The following LPIN3 variants were observed in gnomAD, a reference collection of about 807,000 sequenced individuals.
LPIN3 encodes the protein lipin 3.
In LPIN3, 82 loss-of-function variants were observed where a neutral mutation model predicts 94.7. The observed-to-expected ratio is 0.87, with a 90% CI of 0.72 to 1.04. LPIN3 has a LOEUF of 1.04. Among genes scored for constraint, LPIN3 ranks in the 50% least tolerant of loss-of-function variants. The pLI is 0.00. For missense variants in LPIN3, 996 were observed against 1,090.5 expected, an observed-to-expected ratio of 0.91 and a Z score of 1.22; for synonymous variants, 418 against 443.3, an observed-to-expected ratio of 0.94 and a Z score of 0.72.
intron 11 of LPIN3, 92 bp from the exon 12 acceptor site, chr20:41,354,553 C>T: frequency 7.8e-7 from 1 of 1,282,736 alleles, no homozygotes; most frequent in Non-Finnish European, 1.1e-6. Context: ...GGCTCAGACT[C>T]TGGGCTCATG....
chr20:41,353,627 A>G (rs1482721434), intron 11 of LPIN3, among the ~76,000 whole-genome samples: 3 of 152,232 alleles, frequency 2.0e-5, no homozygotes, highest in Non-Finnish European at 4.4e-5. Context: ...TACTCTTCCC[A>G]GAACCTCTTC....
Position 41,358,048 on chromosome 20 carries a change from C to T in LPIN3, c.2192+14C>T, listed in dbSNP as rs2046276328. ...TGCCCTCCACAGGTAACCACCCCTA[C>T]ACATACAAGCCCGTGGCCCCCTGGT... is the stretch of plus-strand genomic sequence containing the variant. On this transcript the variant is annotated intron_variant, in intron 17 of 19. Transcript: ENST00000373257. 6.3e-7 allele frequency: 1 copy of T among 1,586,156 alleles called. No individual in the cohort carries two copies. The highest frequency in any genetic ancestry group is 1.3e-5 in the African/African-American group (1 of 74,256).
Position 41,350,217 on chromosome 20 carries a change from C to T in LPIN3, c.922C>T (p.Gln308Ter). The T allele has an allele frequency of 6.2e-7, 1 of 1,613,684 alleles. No individual in the cohort carries two copies. The highest frequency in any genetic ancestry group is 1.1e-5 in the South Asian group (1 of 91,082). ...GCAAACAGAGGCTGGTGCCGACCTT[C>T]AGCCTGACACAGAGGATCCCACTCT... ...IQQTEAGADL[Q>*]PDTEDPTLVG... The change falls in exon 7 of 20, where the codon CAG (glutamine) becomes TAG (stop). Residue 308 changes from glutamine to a stop codon, truncating the protein, a stop_gained. Coordinates refer to ENST00000373257, the MANE Select transcript of LPIN3 (RefSeq NM_022896.3). LOFTEE classifies it high-confidence loss of function.
chr20:41,349,187 G>C lies in LPIN3; in HGVS notation c.638+15G>C. 6.2e-7 allele frequency: 1 copy of C among 1,612,402 alleles called. No homozygotes were observed. Among genetic ancestry groups the C allele is most frequent in the Non-Finnish European group, 8.5e-7 (1 of 1,178,770 alleles). ...CCCCAGGCCAGGTAAGAGTCCAGGT[G>C]GGCTGCAGGCCAGGACTCCAGATCA... On this transcript the variant is annotated intron_variant, in intron 5 of 19. Coordinates refer to ENST00000373257, the MANE Select transcript of LPIN3 (RefSeq NM_022896.3).
chr20:41,349,441 A>G (rs1014155751), intron 5 of LPIN3, among the ~76,000 whole-genome samples: 2 of 152,062 alleles, frequency 1.3e-5, no homozygotes, highest in Admixed American at 6.6e-5. Flanking sequence ...CATCACCACT[A>G]TCTAGTTCCA....
chr20:41,359,012 A>C lies in LPIN3; in HGVS notation c.*146A>C. The C allele has an allele frequency of 4.2e-6, 4 of 941,690 alleles. No homozygotes were observed. The highest frequency in any genetic ancestry group is 1.8e-5 in the South Asian group (1 of 55,776). 58.3% of individuals were successfully genotyped at this position (941,690 alleles called of 1,614,324 possible). A position where few individuals can be genotyped will look rare whatever the true frequency, so the allele number is the denominator to read the frequency against. On this transcript the variant is annotated 3_prime_UTR_variant, in exon 20 of 20. Coordinates refer to ENST00000373257, the MANE Select transcript of LPIN3 (RefSeq NM_022896.3). ...TGCAGGTTGGTTGGCAGCTAGAGAG[A>C]CTCCCCCATCTTCCCCGTCATATTT...
At chr20:41,355,145 G>C (rs574455015) in intron 13 of LPIN3, among the ~76,000 whole-genome samples, 8 of 152,140 alleles carry the variant, frequency 5.3e-5, no homozygotes, top group Non-Finnish European at 8.8e-5. Flanking sequence ...CTCCTGAGTA[G>C]CTGGGATTAC....
chr20:41,358,075 G>A (rs1273984598), intron 17 of LPIN3, 41 bp downstream of exon 17: 1 of 1,571,226 alleles, frequency 6.4e-7, no homozygotes, highest in Admixed American at 1.8e-5. Context: ...CCCCCTGGTG[G>A]GGAAAGGCAG....
rs2046315521 is a variant in LPIN3, at chr20:41,359,042, C to T, written c.*176C>T. The stretch of plus-strand genomic sequence containing the variant: ...CCCATCTTCCCCGTCATATTTTTGC[C>T]AGCTAAGCTGCAGCTGCTCCAGGCG... On this transcript the variant is annotated 3_prime_UTR_variant, in exon 20 of 20. Coordinates refer to ENST00000373257, the MANE Select transcript of LPIN3 (RefSeq NM_022896.3). 1 of 722,654 alleles carries T rather than the reference C, an allele frequency of 1.4e-6. No individual in the cohort carries two copies. Among genetic ancestry groups the T allele is most frequent in the Non-Finnish European group, 2.2e-6 (1 of 450,042 alleles). 44.8% of individuals were successfully genotyped at this position (722,654 alleles called of 1,614,324 possible).
Position 41,358,002 on chromosome 20 carries a change from G to T in LPIN3, c.2160G>T (p.Leu720=). The T allele has an allele frequency of 6.2e-7, 1 of 1,610,434 alleles. No individual in the cohort carries two copies. The highest frequency in any genetic ancestry group is 1.3e-5 in the African/African-American group (1 of 74,950). ...GCSLPKGPIL[L]SPSSLFSALH... is the part of the protein sequence containing the mutation. ...GCCTCCCCAAGGGCCCCATCCTTCTGTCTCCCAGCAGCCTCTTCTCTGCCC... is the reference window on the plus strand; with the variant it reads ...GCCTCCCCAAGGGCCCCATCCTTCTTTCTCCCAGCAGCCTCTTCTCTGCCC... Residue 720 remains leucine (L), a synonymous_variant, in exon 17 of 20, where the codon CTG becomes CTT. Transcript: ENST00000373257.
At chr20:41,341,603 G>C (rs1261429650) in intron 1 of LPIN3, among the ~76,000 whole-genome samples, 1 of 152,252 alleles carries the variant, frequency 6.6e-6, no homozygotes, top group African/African-American at 2.4e-5. Context: ...TCCCCAAGGT[G>C]GGGTGTGAGG....
At position 41,357,357 on chromosome 20, in the gene LPIN3, C is replaced by G; in HGVS notation, c.1953-4C>G. 6.2e-7 allele frequency: 1 copy of G among 1,613,774 alleles called. No homozygotes were observed. Among genetic ancestry groups the G allele is most frequent in the Non-Finnish European group, 8.5e-7 (1 of 1,179,774 alleles). Reference sequence around the variant, plus strand: ...TTGGAGTAACCCTTCCTCTCTCACTCTAGGTCAGATGCTCTGGGCCATATC... The same window carrying G: ...TTGGAGTAACCCTTCCTCTCTCACTGTAGGTCAGATGCTCTGGGCCATATC... On this transcript the variant is annotated splice_region_variant and splice_polypyrimidine_tract_variant and intron_variant, in intron 15 of 19. Transcript: ENST00000373257.
At chr20:41,343,080 G>T (rs997338788) in intron 1 of LPIN3, among the ~76,000 whole-genome samples, 2 of 152,178 alleles carry the variant, frequency 1.3e-5, no homozygotes, top group Non-Finnish European at 2.9e-5. Flanking sequence ...AGTGCTACTG[G>T]CATCTAATGG....
At chr20:41,343,126 G>A (rs2045648894) in intron 1 of LPIN3, among the ~76,000 whole-genome samples, 1 of 152,162 alleles carries the variant, frequency 6.6e-6, no homozygotes, top group East Asian at 1.9e-4. Context: ...ATCCTACAGT[G>A]CACCCACCCA....
At chr20:41,351,243 A>C (rs1237368788) in intron 7 of LPIN3, among the ~76,000 whole-genome samples, 2 of 151,682 alleles carry the variant, frequency 1.3e-5, no homozygotes, top group African/African-American at 4.8e-5. Flanking sequence ...CCTGGGTGAC[A>C]GATAAATAAA....
Position 41,357,370 on chromosome 20 carries a change from TCTGGGCCATATC to T in LPIN3, c.1966_1977del (p.Gly656_Leu659del). 6.2e-7 allele frequency: 1 copy of T among 1,613,946 alleles called. No individual in the cohort carries two copies. The highest frequency in any genetic ancestry group is 8.5e-7 in the Non-Finnish European group (1 of 1,179,892). On this transcript the variant is annotated inframe_deletion, in exon 16 of 20. Coordinates refer to ENST00000373257, the MANE Select transcript of LPIN3 (RefSeq NM_022896.3). ...TCCTCTCTCACTCTAGGTCAGATGC[TCTGGGCCATATC>T]CTGCCCCAGCTGGGGAAAGACTGGA...
Position 41,352,205 on chromosome 20 carries a change from C to T in LPIN3, c.1348C>T (p.Arg450Trp), listed in dbSNP as rs1440142878. ...LSLCGGLADSRDISLEKFNQH... is the reference protein window; with the variant it reads ...LSLCGGLADSWDISLEKFNQH... ...CCTCTGTGGTGGACTGGCTGACAGC[C>T]GGGACATCTCCCTAGGTATGTTCGA... The change falls in exon 9 of 20, where the codon CGG becomes TGG. Residue 450 changes from arginine to tryptophan, a missense_variant. Coordinates refer to ENST00000373257, the MANE Select transcript of LPIN3 (RefSeq NM_022896.3). 5.6e-6 allele frequency: 9 copies of T among 1,614,160 alleles called. No individual in the cohort carries two copies. Among genetic ancestry groups the T allele is most frequent in the Non-Finnish European group, 7.6e-6 (9 of 1,180,024 alleles).
Position 41,350,134 on chromosome 20 carries a change from C to G in LPIN3, c.839C>G (p.Pro280Arg), listed in dbSNP as rs902248629. 7 of 1,612,826 alleles carry G rather than the reference C, an allele frequency of 4.3e-6. No homozygotes were observed. Among genetic ancestry groups the G allele is most frequent in the African/African-American group, 1.3e-5 (1 of 74,924 alleles). Reference sequence around the variant, plus strand: ...GCAACCTCTCCTCCTCGGGGAGGACCCAGCACTCCCTCTACCTCTGTGGCT... The same window carrying G: ...GCAACCTCTCCTCCTCGGGGAGGACGCAGCACTCCCTCTACCTCTGTGGCT... ...AGATSPPRGGPSTPSTSVAGG... is the reference protein window; with the variant it reads ...AGATSPPRGGRSTPSTSVAGG... The change falls in exon 7 of 20, where the codon CCC becomes CGC. Residue 280 changes from proline to arginine, a missense_variant. By Grantham distance (103) the Pro-to-Arg change is moderately radical. Coordinates refer to ENST00000373257, the MANE Select transcript of LPIN3 (RefSeq NM_022896.3).
At chr20:41,344,288 G>C (rs2045692643) in intron 1 of LPIN3, among the ~76,000 whole-genome samples, 1 of 152,186 alleles carries the variant, frequency 6.6e-6, no homozygotes, top group Non-Finnish European at 1.5e-5. Context: ...GGAGTGGAAG[G>C]AGACCATGCT....
Sources: gnomAD v4.1 joint callset for allele counts (sites outside exome capture counted in the v4.1 genomes callset) on GRCh38, gnomAD v4.1.1 for gene constraint, MANE v1.5 for transcripts, NCBI Gene and HGNC (gene_info 2026-07-23, HGNC 2026-07-21) for gene names.